The following HNMT variants were observed in gnomAD, a reference collection of about 807,000 sequenced individuals.
HNMT encodes the protein histamine N-methyltransferase.
Under a neutral mutation model 32.1 loss-of-function variants are expected in HNMT, and 30 were observed. The observed-to-expected ratio is 0.93, with a 90% CI of 0.70 to 1.27. The LOEUF is 1.27. HNMT is among the 50% of genes most tolerant of loss of function. The pLI, the probability that HNMT is intolerant of heterozygous loss-of-function variation, is 0.00. For missense variants in HNMT, 327 were observed against 346.0 expected, an observed-to-expected ratio of 0.95 and a Z score of 0.43; for synonymous variants, 125 against 119.0, an observed-to-expected ratio of 1.05 and a Z score of -0.33.
intron 4 of HNMT, among the ~76,000 whole-genome samples, chr2:138,004,810 G>A (rs752464337): frequency 1.1e-4 from 17 of 152,044 alleles, no homozygotes; most frequent in Non-Finnish European, 2.4e-4. Flanking sequence ...TTATAGAATA[G>A]GCATAGGATT....
intron 4 of HNMT, chr2:138,002,847 G>A: frequency 3.5e-6 from 3 of 846,776 alleles, no homozygotes; most frequent in South Asian, 1.1e-4. Context: ...GTGGACCAAT[G>A]TCCCAGAGTG....
chr2:137,972,288 G>A (rs1248400295), intron 2 of HNMT, among the ~76,000 whole-genome samples: 1 of 151,922 alleles, frequency 6.6e-6, no homozygotes, highest in African/African-American at 2.4e-5. Flanking sequence ...GTATTTTTTA[G>A]TAGAGAAGGG....
chr2:137,978,934 T>C (rs1021958667), intron 2 of HNMT, among the ~76,000 whole-genome samples: 4 of 140,264 alleles, frequency 2.9e-5, no homozygotes, highest in Admixed American at 1.5e-4. Flanking sequence ...GTAGTATACA[T>C]AAAATAGGTA....
chr2:138,002,096 G>C lies in HNMT; in HGVS notation c.331G>C (p.Val111Leu). Reference protein sequence around the residue: ...LVAKTSNLENVKFAWHKETSS... With the variant: ...LVAKTSNLENLKFAWHKETSS... ...AGCCAAGACATCGAACCTCGAGAAC[G>C]TAAAGTTTGCTTGGCATAAGGAGAC... The change falls in exon 4 of 6, where the codon GTA (valine) becomes CTA (leucine). Residue 111 changes from valine to leucine, a missense_variant. Val to Leu is a conservative substitution (Grantham distance 32, BLOSUM62 1). Transcript: ENST00000280097. The C allele has an allele frequency of 6.3e-7, 1 of 1,596,370 alleles. No individual in the cohort carries two copies.
At chr2:137,972,259 C>T (rs547910045) in intron 2 of HNMT, among the ~76,000 whole-genome samples, 1 of 152,028 alleles carries the variant, frequency 6.6e-6, no homozygotes, top group Non-Finnish European at 1.5e-5. Flanking sequence ...GAAACTGCCA[C>T]CACACCCGTC....
intron 2 of HNMT, among the ~76,000 whole-genome samples, chr2:137,991,621 A>G (rs1330751934): frequency 6.6e-6 from 1 of 152,262 alleles, no homozygotes; most frequent in Non-Finnish European, 1.5e-5. Context: ...AGATAAAAAC[A>G]TATAGATATA....
chr2:137,980,633 T>G (rs1680464286), intron 2 of HNMT, among the ~76,000 whole-genome samples: 2 of 152,304 alleles, frequency 1.3e-5, no homozygotes, highest in East Asian at 3.9e-4. Flanking sequence ...GTTGCATGAC[T>G]TTTCTTAGAC....
intron 2 of HNMT, among the ~76,000 whole-genome samples, chr2:137,994,030 T>C (rs1386956249): frequency 1.3e-5 from 2 of 151,962 alleles, no homozygotes; most frequent in East Asian, 1.9e-4. Context: ...GCACTAAAGA[T>C]GGAAAGGAAA....
At chr2:138,012,755 T>C (rs528561823) in intron 5 of HNMT, among the ~76,000 whole-genome samples, 210 of 152,208 alleles carry the variant, frequency 1.4e-3, no homozygotes, top group African/African-American at 4.7e-3. Context: ...TCACAGAAAT[T>C]ACTGGGGTCA....
At chr2:137,978,622 C>T (rs1163052753) in intron 2 of HNMT, among the ~76,000 whole-genome samples, 1 of 129,172 alleles carries the variant, frequency 7.7e-6, no homozygotes, top group Non-Finnish European at 1.6e-5. Flanking sequence ...TAGTATTATA[C>T]AATACATATG....
intron 5 of HNMT, among the ~76,000 whole-genome samples, chr2:138,012,397 G>A (rs4954941): frequency 0.21 from 32,421 of 151,944 alleles, 3,756 homozygotes; most frequent in South Asian, 0.3. Flanking sequence ...TTTCAGTTTA[G>A]TACTACAAAC....
intron 2 of HNMT, among the ~76,000 whole-genome samples, chr2:137,980,437 A>C (rs1680456565): frequency 6.6e-6 from 1 of 152,224 alleles, no homozygotes; most frequent in Admixed American, 6.5e-5. Context: ...CTCAGTGCCT[A>C]GCACCGAGTA....
chr2:137,981,124 T>C, intron 2 of HNMT: 2 of 1,400,874 alleles, frequency 1.4e-6, no homozygotes, highest in Non-Finnish European at 1.9e-6. Flanking sequence ...ATAATATATA[T>C]TTTGATATGA....
At chr2:137,966,889 C>T (rs1236523206) in intron 1 of HNMT, among the ~76,000 whole-genome samples, 1 of 152,164 alleles carries the variant, frequency 6.6e-6, no homozygotes, top group Admixed American at 6.5e-5. Context: ...TTCTATATCT[C>T]ATGCCTTTCT....
At chr2:137,978,872 T>C (rs998252079) in intron 2 of HNMT, among the ~76,000 whole-genome samples, 1 of 139,142 alleles carries the variant, frequency 7.2e-6, no homozygotes, top group African/African-American at 2.6e-5. Flanking sequence ...TATATAATAG[T>C]CTTATATAAT....
intron 1 of HNMT, among the ~76,000 whole-genome samples, chr2:137,966,037 CT>C (rs1176522577): frequency 6.6e-6 from 1 of 151,864 alleles, no homozygotes; most frequent in African/African-American, 2.4e-5. Context: ...TATTTTTTTC[CT>C]GAAGGTAATG....
At position 137,970,147 on chromosome 2, in the gene HNMT, A is replaced by G. The variant is rs1433807670; in HGVS notation, c.138-18A>G. ...ACCTAACACATTTTTCTAAAACTAC[A>G]TAATTTTTTTCTTTCAGGATTGGAG... is the stretch of plus-strand genomic sequence containing the variant. On this transcript the variant is annotated intron_variant, in intron 1 of 5. Transcript: ENST00000280097. 2.0e-6 allele frequency: 3 copies of G among 1,471,088 alleles called. No homozygotes were observed. The highest frequency in any genetic ancestry group is 2.3e-5 in the East Asian group (1 of 43,926). The allele number at this position is 1,471,088 out of a possible 1,614,324, so 91.1% of individuals were successfully genotyped here. A position where few individuals can be genotyped will look rare whatever the true frequency, so the allele number is the denominator to read the frequency against.
At chr2:137,965,858 G>A (rs756423074) in intron 1 of HNMT, among the ~76,000 whole-genome samples, 1 of 152,160 alleles carries the variant, frequency 6.6e-6, no homozygotes, top group East Asian at 1.9e-4. Flanking sequence ...AAGAGGTACC[G>A]TGGATGGAGA....
At chr2:137,990,361 G>C (rs1680781720) in intron 2 of HNMT, among the ~76,000 whole-genome samples, 1 of 151,986 alleles carries the variant, frequency 6.6e-6, no homozygotes, top group Non-Finnish European at 1.5e-5. Context: ...CCATTGTATT[G>C]CCTTTGCTCC....
Sources: allele counts gnomAD v4.1 joint callset (sites outside exome capture counted in the v4.1 genomes callset), GRCh38; gene constraint gnomAD v4.1.1; transcripts MANE v1.5; gene names NCBI Gene and HGNC (gene_info 2026-07-23, HGNC 2026-07-21).